The following KANSL3 variants were observed in gnomAD, a reference collection of about 807,000 sequenced individuals.
KANSL3 encodes the protein NSL complex protein NSL3.
A neutral mutation model predicts 89.2 loss-of-function variants in KANSL3; 16 were observed. That is an observed-to-expected ratio of 0.18 (90% CI 0.12 to 0.27). The LOEUF (loss-of-function observed/expected upper bound fraction) is 0.27. Ranked by LOEUF, KANSL3 falls within the 10% of genes least tolerant of loss-of-function variation. The pLI, the probability that KANSL3 is intolerant of heterozygous loss-of-function variation, is 1.00. For missense variants in KANSL3, 879 were observed against 1,110.6 expected (o/e 0.79, Z 2.96); for synonymous variants, 385 against 419.7 (o/e 0.92, Z 1.01).
At chr2:96,627,721 T>C (rs1025202874) in intron 3 of KANSL3, among the ~76,000 whole-genome samples, 3 of 152,120 alleles carry the variant, frequency 2.0e-5, no homozygotes, top group African/African-American at 4.8e-5. Context: ...CATGACTTTA[T>C]ATAAGAAGAA....
chr2:96,591,550 C>T (rs549241648), downstream of KANSL3, among the ~76,000 whole-genome samples: 1 of 152,288 alleles, frequency 6.6e-6, no homozygotes, highest in East Asian at 1.9e-4. Flanking sequence ...ACTACAATTG[C>T]AGGTTAAAAA....
At chr2:96,636,306 C>T (rs1431575330) in intron 2 of KANSL3, among the ~76,000 whole-genome samples, 1 of 152,142 alleles carries the variant, frequency 6.6e-6, no homozygotes, top group African/African-American at 2.4e-5. Context: ...TTTATTTAGA[C>T]CAAATGTAAC....
the KANSL3 span, among the ~76,000 whole-genome samples, chr2:96,584,201 G>C: frequency 6.6e-6 from 1 of 152,054 alleles, no homozygotes; most frequent in African/African-American, 2.4e-5. Context: ...GCACAGGCTG[G>C]AGTGCAGTGG....
At chr2:96,598,018 A>C in intron 20 of KANSL3, 23 of 615,880 alleles carry the variant, frequency 3.7e-5, no homozygotes, top group Non-Finnish European at 4.7e-5. Context: ...ATTCTCAATG[A>C]CCTCTACTCT....
In KANSL3 at chr2:96,602,877, A is replaced by T; in HGVS notation, c.2150-15T>A. On this transcript the variant is annotated splice_polypyrimidine_tract_variant and intron_variant, in intron 17 of 20. Coordinates refer to ENST00000431828, the MANE Select transcript of KANSL3 (RefSeq NM_001115016.3). ...TGATGTGGCCCCTAAGAGAGGACAT[A>T]GCAGGAATCAGTAGAGACTCAATCA... is the stretch of plus-strand genomic sequence containing the variant. 6.2e-7 allele frequency: 1 copy of T among 1,611,150 alleles called. No homozygotes were observed. Among genetic ancestry groups the T allele is most frequent in the South Asian group, 1.1e-5 (1 of 91,020 alleles).
chr2:96,619,848 G>C, intron 3 of KANSL3, 86 bp from the exon 4 acceptor site: 1 of 1,065,562 alleles, frequency 9.4e-7, no homozygotes, highest in South Asian at 1.5e-5. Context: ...TTATGCCATA[G>C]TTTTATGTCT....
At chr2:96,597,401 T>C (rs1027749690) in intron 20 of KANSL3, among the ~76,000 whole-genome samples, 1 of 152,144 alleles carries the variant, frequency 6.6e-6, no homozygotes, top group Non-Finnish European at 1.5e-5. Context: ...CCCAGAAGGA[T>C]AGGTGATTTG....
At chr2:96,628,411 G>A in intron 3 of KANSL3, 1 of 276,058 alleles carries the variant, frequency 3.6e-6, no homozygotes, top group Non-Finnish European at 5.5e-6. Context: ...AGCACTTTGG[G>A]AGGCAAAGGT....
At chr2:96,599,055 A>T (rs1183461514) in intron 20 of KANSL3, among the ~76,000 whole-genome samples, 1 of 152,086 alleles carries the variant, frequency 6.6e-6, no homozygotes, top group Non-Finnish European at 1.5e-5. Flanking sequence ...CAGAATTGAC[A>T]CTCCCTTAAC....
rs746899724 is a variant in KANSL3 at position 96,613,497 on chromosome 2, A to T, written c.786T>A (p.His262Gln). Residue 262 changes from histidine to glutamine, a missense_variant, in exon 6 of 21, where the codon CAT (histidine) becomes CAA (glutamine). Physicochemically the swap from His to Gln is conservative, Grantham distance 24. This residue lies in a region of KANSL3 where 198 missense variants were observed against 260.3 expected (regional missense o/e 0.76). Transcript: ENST00000431828. Reference sequence around the variant, plus strand: ...GAGCCATCCAACTTACTGGTTTGTTATGAGAAAGCACACCCACAGCAGGGT... The same window carrying T: ...GAGCCATCCAACTTACTGGTTTGTTTTGAGAAAGCACACCCACAGCAGGGT... ...PWDPAVGVLS[H>Q]NKPSKLPGSP... is the part of the protein sequence containing the mutation. 1.9e-6 allele frequency: 3 copies of T among 1,613,400 alleles called. No individual in the cohort carries two copies. The highest frequency in any genetic ancestry group is 2.5e-6 in the Non-Finnish European group (3 of 1,179,558).
rs1014234543 is a variant in KANSL3, at chr2:96,601,789, G to A, written c.2483-13C>T. ...GGGACCTTCAAGCCTGAGATAAAGA[G>A]AGAGAAGCAGAATTTTTGAGTCACA... On this transcript the variant is annotated splice_polypyrimidine_tract_variant and intron_variant, in intron 19 of 20. Coordinates refer to ENST00000431828, the MANE Select transcript of KANSL3 (RefSeq NM_001115016.3). The A allele has an allele frequency of 4.5e-6, 7 of 1,540,886 alleles. No homozygotes were observed. In the African/African-American group the frequency reaches 6.9e-5, roughly 15 times the overall value.
chr2:96,600,177 G>A (rs761140996), intron 20 of KANSL3, among the ~76,000 whole-genome samples: 13 of 151,980 alleles, frequency 8.6e-5, no homozygotes, highest in Non-Finnish European at 1.5e-4. Context: ...ATAAAAAAAG[G>A]CAAGTTACAA....
chr2:96,613,793 T>C (rs2069441687), intron 5 of KANSL3, among the ~76,000 whole-genome samples, 174 bp from the exon 6 acceptor site: 1 of 151,878 alleles, frequency 6.6e-6, no homozygotes, highest in Non-Finnish European at 1.5e-5. Context: ...AAAAGTATGC[T>C]CCCACCATGA....
At chr2:96,611,972 C>A (rs2105466907) in intron 9 of KANSL3, among the ~76,000 whole-genome samples, 1 of 127,508 alleles carries the variant, frequency 7.8e-6, no homozygotes, top group Admixed American at 8.6e-5. Context: ...GGATTTTCTT[C>A]AAAACAATCT....
chr2:96,591,889 A>C (rs1240334882), downstream of KANSL3, among the ~76,000 whole-genome samples: 1 of 152,210 alleles, frequency 6.6e-6, no homozygotes, highest in African/African-American at 2.4e-5. Context: ...CTTGTCTATA[A>C]AAATGCCTAA....
intron 3 of KANSL3, among the ~76,000 whole-genome samples, chr2:96,629,719 T>C (rs2106120940): frequency 6.6e-6 from 1 of 152,348 alleles, no homozygotes; most frequent in South Asian, 2.1e-4. Context: ...GCTGCTGTTT[T>C]GATCACACAA....
At chr2:96,607,814 CT>C (rs2068238679) in intron 14 of KANSL3, among the ~76,000 whole-genome samples, 7 of 152,170 alleles carry the variant, frequency 4.6e-5, no homozygotes, top group Admixed American at 4.6e-4. Context: ...CCAGGCACCC[CT>C]ATTCCTGAAA....
chr2:96,621,837 T>G (rs1391528419), intron 3 of KANSL3, among the ~76,000 whole-genome samples: 1 of 152,120 alleles, frequency 6.6e-6, no homozygotes, highest in Non-Finnish European at 1.5e-5. Context: ...TTAAACAGGC[T>G]GGGCGTGGTG....
At chr2:96,598,222 T>C in intron 20 of KANSL3, 1 of 702,040 alleles carries the variant, frequency 1.4e-6, no homozygotes, top group Non-Finnish European at 1.7e-6. Flanking sequence ...GAACTATCAT[T>C]TCTGTACTAT....
Sources: gnomAD v4.1 joint callset for allele counts (sites outside exome capture counted in the v4.1 genomes callset) on GRCh38, gnomAD v4.1.1 for gene constraint, gnomAD v4.1.1 regional missense constraint, MANE v1.5 for transcripts, NCBI Gene and HGNC (gene_info 2026-07-23, HGNC 2026-07-21) for gene names.